The following MCC variants were observed in gnomAD, a reference collection of about 807,000 sequenced individuals.
MCC encodes colorectal mutant cancer protein.
Under a neutral mutation model 116.2 loss-of-function variants are expected in MCC, and 90 were observed. That is an observed-to-expected ratio of 0.77 (90% CI 0.65 to 0.92). The LOEUF (loss-of-function observed/expected upper bound fraction) is 0.92. Among genes scored for constraint, MCC ranks in the 40% least tolerant of loss-of-function variants. The pLI is 0.00. For missense variants in MCC, 1,516 were observed against 1,312.2 expected (o/e 1.16, Z -2.40); for synonymous variants, 578 against 510.5 (o/e 1.13, Z -1.78).
At chr5:113,076,826 T>C (rs1053011751) in intron 11 of MCC, among the ~76,000 whole-genome samples, 15 of 152,078 alleles carry the variant, frequency 9.9e-5, no homozygotes, top group Non-Finnish European at 1.3e-4. Flanking sequence ...TAAATGTAAA[T>C]GGGCTAAATG....
At chr5:113,029,360 G>A (rs1750799443) in intron 17 of MCC, among the ~76,000 whole-genome samples, 1 of 149,192 alleles carries the variant, frequency 6.7e-6, no homozygotes, top group Non-Finnish European at 1.5e-5. Flanking sequence ...TTCTACTATT[G>A]GCATACCAGA....
chr5:113,260,903 T>C (rs768326497), intron 3 of MCC, among the ~76,000 whole-genome samples: 21 of 152,166 alleles, frequency 1.4e-4, no homozygotes, highest in Non-Finnish European at 2.1e-4. Flanking sequence ...AATTTTATCA[T>C]TGGCAGATAC....
chr5:113,301,178 G>C (rs1360122927), intron 3 of MCC, among the ~76,000 whole-genome samples: 1 of 152,158 alleles, frequency 6.6e-6, no homozygotes, highest in Non-Finnish European at 1.5e-5. Flanking sequence ...TAAAGAGATA[G>C]TTACAGGCCG....
At chr5:113,087,503 G>A (rs1056383105) in intron 8 of MCC, among the ~76,000 whole-genome samples, 2 of 152,170 alleles carry the variant, frequency 1.3e-5, no homozygotes, top group Non-Finnish European at 2.9e-5. Flanking sequence ...GGGTACAGGG[G>A]TGGATACCTC....
At chr5:113,137,971 G>A (rs1406556960) in intron 5 of MCC, among the ~76,000 whole-genome samples, 1 of 151,904 alleles carries the variant, frequency 6.6e-6, no homozygotes, top group African/African-American at 2.4e-5. Context: ...GTAGCTATAA[G>A]GGATGGGAGA....
chr5:113,036,598 A>C (rs1010004369), intron 17 of MCC, among the ~76,000 whole-genome samples: 2 of 152,220 alleles, frequency 1.3e-5, no homozygotes, highest in Non-Finnish European at 2.9e-5. Context: ...CAAGGACAAC[A>C]GCAGTCTAAC....
intron 11 of MCC, among the ~76,000 whole-genome samples, chr5:113,072,841 T>A (rs530745799): frequency 7.2e-5 from 11 of 152,326 alleles, no homozygotes; most frequent in Non-Finnish European, 1.5e-4. Context: ...CAGGCTCACA[T>A]ATCCAGCTGC....
rs958439722 is a variant in MCC, at chr5:113,170,754, G to A, written c.628-19332C>T. 5.3e-5 allele frequency among the ~76,000 whole-genome samples: 8 copies of A among 152,084 alleles called. No homozygotes were observed. The South Asian group carries it at 1.0e-3, about 20-fold the overall frequency. On this transcript the variant is annotated intron_variant, in intron 3 of 18. Transcript: ENST00000408903. ...TTTGACAAGAAGTTATAGACTTTTC[G>A]TGATGTGGTCAGTAGTTACAGTATA...
chr5:113,307,361 A>T (rs1363327603), intron 3 of MCC, among the ~76,000 whole-genome samples: 1 of 152,048 alleles, frequency 6.6e-6, no homozygotes. Flanking sequence ...TAAATCTTGT[A>T]CTTCTCTTGT....
chr5:113,047,886 C>A (rs1014904286), intron 16 of MCC, among the ~76,000 whole-genome samples: 1 of 151,260 alleles, frequency 6.6e-6, no homozygotes, highest in Non-Finnish European at 1.5e-5. Flanking sequence ...TTGCAAAATT[C>A]TATCACCAGA....
chr5:113,324,835 C>CT (rs376266901), intron 3 of MCC, among the ~76,000 whole-genome samples: 105 of 144,418 alleles, frequency 7.3e-4, no homozygotes, highest in Admixed American at 7.7e-4. Context: ...AGTTTTGGAA[C>CT]TTTTTTTTTT....
At position 113,027,136 on chromosome 5, in the gene MCC, G is replaced by A; in HGVS notation, c.*166C>T. 1.5e-6 allele frequency: 1 copy of A among 652,556 alleles called. No homozygotes were observed. Among genetic ancestry groups the A allele is most frequent in the Non-Finnish European group, 2.6e-6 (1 of 383,408 alleles). 40.4% of individuals were successfully genotyped at this position (652,556 alleles called of 1,614,324 possible). On this transcript the variant is annotated 3_prime_UTR_variant, in exon 19 of 19. Coordinates refer to ENST00000408903, the MANE Select transcript of MCC (RefSeq NM_001085377.2). Reference sequence around the variant, plus strand: ...GGATACAGTCCACAATGTCACCATGGCCAGTCGCCCCAAGGGTTGAGTTGG... The same window carrying A: ...GGATACAGTCCACAATGTCACCATGACCAGTCGCCCCAAGGGTTGAGTTGG...
intron 1 of MCC, 111 bp downstream of exon 1, chr5:113,488,134 G>T: frequency 8.8e-7 from 1 of 1,142,684 alleles, no homozygotes; most frequent in South Asian, 2.1e-5. Flanking sequence ...CTTTTCCCGC[G>T]AGCTTCTGAG....
chr5:113,455,783 C>G (rs760623248), intron 1 of MCC, among the ~76,000 whole-genome samples: 4 of 152,200 alleles, frequency 2.6e-5, no homozygotes, highest in Non-Finnish European at 4.4e-5. Context: ...AGACTCTGGT[C>G]AGTTCAAGTT....
intron 1 of MCC, among the ~76,000 whole-genome samples, chr5:113,467,605 A>G (rs1771949694): frequency 6.6e-6 from 1 of 152,158 alleles, no homozygotes; most frequent in Non-Finnish European, 1.5e-5. Context: ...TATAGTTTGA[A>G]GTCAGGTAGC....
At chr5:113,108,636 G>A (rs1028087646) in intron 6 of MCC, among the ~76,000 whole-genome samples, 1 of 132,832 alleles carries the variant, frequency 7.5e-6, no homozygotes, top group Non-Finnish European at 1.6e-5. Flanking sequence ...CTGGGCAAGA[G>A]AGCGAGACTC....
At position 113,157,495 on chromosome 5, in the gene MCC, C is replaced by T. The variant is rs564945763; in HGVS notation, c.628-6073G>A. ...AGAGGAATGAGTTCATCCCCACAGG[C>T]CCTATCTAGATACATGCACCTCATG... On this transcript the variant is annotated intron_variant, in intron 3 of 18. Coordinates refer to ENST00000408903, the MANE Select transcript of MCC (RefSeq NM_001085377.2). Among the ~76,000 whole-genome samples the T allele has an allele frequency of 7.9e-5, 12 of 152,330 alleles. 1 individual carries two copies. In the South Asian group the frequency reaches 2.5e-3, roughly 32 times the overall value.
chr5:113,314,477 C>G (rs1479523633), intron 3 of MCC, among the ~76,000 whole-genome samples: 1 of 152,220 alleles, frequency 6.6e-6, no homozygotes, highest in Non-Finnish European at 1.5e-5. Context: ...CTCAACTCCA[C>G]ACAGTATAGA....
chr5:113,456,782 C>CT (rs111791676), intron 1 of MCC, among the ~76,000 whole-genome samples: 47,079 of 146,644 alleles, frequency 0.32, 9,136 homozygotes, highest in African/African-American at 0.54. Context: ...ATGAGCACTA[C>CT]TTTTTTTTTT....
Sources: gnomAD v4.1 joint callset for allele counts (sites outside exome capture counted in the v4.1 genomes callset) on GRCh38, gnomAD v4.1.1 for gene constraint, MANE v1.5 for transcripts, NCBI Gene and HGNC (gene_info 2026-07-23, HGNC 2026-07-21) for gene names.